The following CHAT variants were observed in gnomAD, a reference collection of about 807,000 sequenced individuals.
The protein encoded by CHAT is choline O-acetyltransferase, also known as acetyl CoA:choline O-acetyltransferase.
CHAT carries 61 observed loss-of-function variants against 76.9 expected under a neutral mutation model. That is an observed-to-expected ratio of 0.79 (90% CI 0.65 to 0.98). CHAT has a LOEUF of 0.98. Ranked by LOEUF, CHAT falls within the 50% of genes least tolerant of loss-of-function variation. The probability of loss-of-function intolerance (pLI) is 0.00; values close to 1 mark genes in which losing one functional copy is unlikely to be tolerated. For missense variants in CHAT, 946 were observed against 986.9 expected, an observed-to-expected ratio of 0.96 and a Z score of 0.56; for synonymous variants, 407 against 397.4, an observed-to-expected ratio of 1.02 and a Z score of -0.29.
intron 14 of CHAT, among the ~76,000 whole-genome samples, chr10:49,663,507 T>G (rs750697117): frequency 6.2e-4 from 94 of 152,284 alleles, no homozygotes; most frequent in Non-Finnish European, 1.0e-3. Context: ...GTCACAGATA[T>G]TATTATAAAG....
At chr10:49,657,324 G>A (rs1398809532) in intron 13 of CHAT, among the ~76,000 whole-genome samples, 1 of 152,116 alleles carries the variant, frequency 6.6e-6, no homozygotes, top group Non-Finnish European at 1.5e-5. Flanking sequence ...TCTTGTATAA[G>A]AGCCTTAAAC....
chr10:49,610,827 G>A (rs528996537), upstream of CHAT: 2 of 1,607,908 alleles, frequency 1.2e-6, no homozygotes, highest in South Asian at 2.2e-5. Flanking sequence ...AGGAGCCCCG[G>A]CGGCAGAGGC....
intron 13 of CHAT, among the ~76,000 whole-genome samples, chr10:49,660,812 T>C (rs984180745): frequency 1.3e-5 from 2 of 152,130 alleles, no homozygotes; most frequent in Non-Finnish European, 2.9e-5. Context: ...GATACAAAGA[T>C]GCTTAGGATG....
chr10:49,654,297 C>A (rs1226470426), intron 11 of CHAT, among the ~76,000 whole-genome samples: 1 of 152,238 alleles, frequency 6.6e-6, no homozygotes, highest in Non-Finnish European at 1.5e-5. Context: ...AGGAGCCCAG[C>A]CAGTGAGGGA....
intron 7 of CHAT, among the ~76,000 whole-genome samples, chr10:49,631,987 T>C (rs760768256): frequency 2.0e-5 from 3 of 151,356 alleles, no homozygotes; most frequent in Non-Finnish European, 2.9e-5. Context: ...ACCTAACAGC[T>C]CCAGCTCCAA....
intron 7 of CHAT, among the ~76,000 whole-genome samples, 166 bp from the exon 8 acceptor site, chr10:49,646,339 A>C (rs1285316842): frequency 6.6e-6 from 1 of 152,172 alleles, no homozygotes; most frequent in South Asian, 2.1e-4. Context: ...GGCTGACTTC[A>C]CTGCCCACCC....
intron 4 of CHAT, among the ~76,000 whole-genome samples, chr10:49,621,465 G>C (rs1397853574): frequency 6.6e-6 from 1 of 152,226 alleles, no homozygotes; most frequent in Non-Finnish European, 1.5e-5. Context: ...AATTAAGCCA[G>C]GCCCAGAATC....
Position 49,614,451 on chromosome 10 carries a change from G to A in CHAT, c.262G>A (p.Glu88Lys), listed in dbSNP as rs372018292. Reference sequence around the variant, plus strand: ...TGAGTGGTGCGGTGCAGCGTCGGCCGAGGCAGCAGAGCCGAGGAGAGCAGG... The same window carrying A: ...TGAGTGGTGCGGTGCAGCGTCGGCCAAGGCAGCAGAGCCGAGGAGAGCAGG... ...TPEWCGAASAEAAEPRRAGPH... is the reference protein window; with the variant it reads ...TPEWCGAASAKAAEPRRAGPH... The change falls in exon 1 of 15, where the codon GAG becomes AAG. Residue 88 changes from glutamate to lysine, a missense_variant. This residue lies in a region of CHAT where 548 missense variants were observed against 516.2 expected (regional missense o/e 1.06). Coordinates refer to ENST00000337653, the MANE Select transcript of CHAT (RefSeq NM_020549.5). The A allele has an allele frequency of 6.5e-7, 1 of 1,547,594 alleles. No homozygotes were observed. The highest frequency in any genetic ancestry group is 8.7e-7 in the Non-Finnish European group (1 of 1,147,020).
intron 7 of CHAT, among the ~76,000 whole-genome samples, chr10:49,629,144 T>TC (rs995151024): frequency 6.6e-6 from 1 of 152,136 alleles, no homozygotes; most frequent in Non-Finnish European, 1.5e-5. Flanking sequence ...TATCTGCCTT[T>TC]CCCCCCACCT....
At chr10:49,610,917 C>G (rs1274088809), upstream of CHAT, 4 of 1,611,544 alleles carry the variant, frequency 2.5e-6, no homozygotes, top group African/African-American at 4.0e-5. Context: ...TAGTGCCCGA[C>G]TACATCGCCC....
In CHAT at chr10:49,620,519, A is replaced by G; in HGVS notation, c.604A>G (p.Met202Val). The stretch of plus-strand genomic sequence containing the variant: ...GGTGTCTGAGTACTGGCTGAATGAC[A>G]TGTATCTCAACAACCGCCTGGCCCT... ...NWVSEYWLND[M>V]YLNNRLALPV... Residue 202 changes from methionine (M) to valine (V), a missense_variant, in exon 4 of 15, where the codon ATG becomes GTG. By Grantham distance (21) the Met-to-Val change is conservative. Coordinates refer to ENST00000337653, the MANE Select transcript of CHAT (RefSeq NM_020549.5). 1 of 1,613,676 alleles carries G rather than the reference A, an allele frequency of 6.2e-7. No homozygotes were observed. The highest frequency in any genetic ancestry group is 8.5e-7 in the Non-Finnish European group (1 of 1,179,734).
chr10:49,662,192 G>A (rs1432531575), intron 13 of CHAT, among the ~76,000 whole-genome samples: 2 of 152,184 alleles, frequency 1.3e-5, no homozygotes, highest in Non-Finnish European at 2.9e-5. Context: ...GTTCAGGACA[G>A]CCTGGGACGC....
At chr10:49,623,497 GA>G (rs1335324432) in intron 5 of CHAT, among the ~76,000 whole-genome samples, 1 of 152,186 alleles carries the variant, frequency 6.6e-6, no homozygotes, top group Admixed American at 6.5e-5. Flanking sequence ...AAGAGGAAGA[GA>G]AATAAGGCCT....
At chr10:49,616,162 T>C (rs942161534) in intron 1 of CHAT, 3 of 1,455,516 alleles carry the variant, frequency 2.1e-6, no homozygotes, top group African/African-American at 1.4e-5. Flanking sequence ...ATCTATTGGG[T>C]TCCAGGCAGG....
rs114823497 is a variant in CHAT at position 49,644,736 on chromosome 10, G to A, written c.1112-1769G>A. On this transcript the variant is annotated intron_variant, in intron 7 of 14. Transcript: ENST00000337653. The stretch of plus-strand genomic sequence containing the variant: ...AAGTGAGGGAAAGGGGATGCATGGG[G>A]ACTGGAGACTCCTTTCAGGCAAGGG... Among the ~76,000 whole-genome samples the A allele has an allele frequency of 6.6e-3, 1,010 of 152,316 alleles. 11 individuals are homozygous for A. Among genetic ancestry groups the A allele is most frequent in the African/African-American group, 0.023 (963 of 41,568 alleles).
At chr10:49,644,244 G>A (rs1011429550) in intron 7 of CHAT, among the ~76,000 whole-genome samples, 2 of 152,208 alleles carry the variant, frequency 1.3e-5, no homozygotes, top group Admixed American at 6.5e-5. Flanking sequence ...ATGTCCACAG[G>A]ATCAGGGAGG....
upstream of CHAT, among the ~76,000 whole-genome samples, chr10:49,610,108 G>T (rs1017669450): frequency 2.0e-5 from 3 of 151,862 alleles, no homozygotes; most frequent in African/African-American, 7.3e-5. Flanking sequence ...CTTCCACACC[G>T]AGAGCCCTTC....
chr10:49,616,115 C>G, intron 1 of CHAT: 1 of 1,602,598 alleles, frequency 6.2e-7, no homozygotes, highest in Non-Finnish European at 8.6e-7. Flanking sequence ...CCTTGAGAAG[C>G]TAGTGGGAAA....
chr10:49,662,676 T>C lies in CHAT; in HGVS notation c.1871T>C (p.Leu624Pro). ...AITGMAIDNH[L>P]LALRELARAM... ...ACAGGGATGGCCATTGACAACCACC[T>C]GCTGGCACTGCGGGAGCTGGCCCGG... Residue 624 changes from leucine (L) to proline (P), a missense_variant, in exon 14 of 15, where the codon CTG becomes CCG. Transcript: ENST00000337653. 1.2e-6 allele frequency: 2 copies of C among 1,614,182 alleles called. No individual in the cohort carries two copies. The highest frequency in any genetic ancestry group is 1.7e-6 in the Non-Finnish European group (2 of 1,180,016).
Sources: gnomAD v4.1 joint callset for allele counts (sites outside exome capture counted in the v4.1 genomes callset) on GRCh38, gnomAD v4.1.1 for gene constraint, gnomAD v4.1.1 regional missense constraint, MANE v1.5 for transcripts, NCBI Gene and HGNC (gene_info 2026-07-23, HGNC 2026-07-21) for gene names.